The following TNS3 variants were observed in gnomAD, a reference collection of about 807,000 sequenced individuals.
TNS3 encodes the protein tensin 3, also known as tensin-3.
A neutral mutation model predicts 140.9 loss-of-function variants in TNS3; 45 were observed. The observed-to-expected ratio is 0.32, with a 90% CI of 0.25 to 0.41. The LOEUF (loss-of-function observed/expected upper bound fraction) is 0.41, where lower values mean the gene tolerates loss of function less well. Ranked by LOEUF, TNS3 falls within the 10% of genes least tolerant of loss-of-function variation. TNS3 has a pLI of 1.00. For missense variants in TNS3, 1,716 were observed against 1,906.7 expected, an observed-to-expected ratio of 0.90 and a Z score of 1.86; for synonymous variants, 815 against 788.4, an observed-to-expected ratio of 1.03 and a Z score of -0.56.
At chr7:47,378,760 G>A (rs998081993) in intron 16 of TNS3, among the ~76,000 whole-genome samples, 4 of 152,142 alleles carry the variant, frequency 2.6e-5, no homozygotes, top group Non-Finnish European at 1.5e-5. Flanking sequence ...GAGGGCTAAG[G>A]GTTTTCTGGC....
intron 20 of TNS3, among the ~76,000 whole-genome samples, chr7:47,332,977 C>T (rs1788426431): frequency 6.6e-6 from 1 of 152,226 alleles, no homozygotes. Flanking sequence ...TTTAGAAAAG[C>T]AGATTCCTCT....
intron 20 of TNS3, among the ~76,000 whole-genome samples, chr7:47,341,461 T>C (rs996321280): frequency 6.6e-6 from 1 of 152,228 alleles, no homozygotes; most frequent in Non-Finnish European, 1.5e-5. Context: ...GTTGTGACAG[T>C]TCATGCTCAT....
chr7:47,390,956 C>T (rs1310225960), intron 16 of TNS3, among the ~76,000 whole-genome samples: 1 of 152,126 alleles, frequency 6.6e-6, no homozygotes, highest in African/African-American at 2.4e-5. Context: ...TTTCTGTATC[C>T]TCCAGTCATG....
chr7:47,448,977 G>A (rs1003751880), intron 4 of TNS3, among the ~76,000 whole-genome samples: 1 of 152,238 alleles, frequency 6.6e-6, no homozygotes, highest in South Asian at 2.1e-4. Flanking sequence ...GGACAATGAT[G>A]TCTCCCTTGT....
Position 47,525,102 on chromosome 7 carries a change from C to T in TNS3, c.-153+3934G>A, listed in dbSNP as rs548268918. On this transcript the variant is annotated intron_variant, in intron 2 of 30. Coordinates refer to ENST00000311160, the MANE Select transcript of TNS3 (RefSeq NM_022748.12). ...CTGGAGTAGAGGAGCATTAGCCAAA[C>T]AGGACAGGAGATAATGCTGCACGAG... is the stretch of plus-strand genomic sequence containing the variant. Among the ~76,000 whole-genome samples, 9 of 152,300 alleles carry T rather than the reference C, an allele frequency of 5.9e-5. No homozygotes were observed. The South Asian group carries it at 1.9e-3, about 32-fold the overall frequency.
intron 3 of TNS3, among the ~76,000 whole-genome samples, chr7:47,483,520 T>C (rs1001140520): frequency 1.3e-4 from 20 of 152,162 alleles, no homozygotes; most frequent in African/African-American, 3.6e-4. Context: ...ATACAGTCTA[T>C]AATACATTTT....
chr7:47,574,853 G>C (rs1283589370), intron 1 of TNS3, among the ~76,000 whole-genome samples: 3 of 152,280 alleles, frequency 2.0e-5, no homozygotes, highest in Non-Finnish European at 2.9e-5. Flanking sequence ...CCAGGGACTG[G>C]GGGGAGGGGA....
intron 1 of TNS3, among the ~76,000 whole-genome samples, chr7:47,578,990 C>T (rs1438325389): frequency 2.0e-5 from 3 of 151,874 alleles, no homozygotes; most frequent in Non-Finnish European, 2.9e-5. Flanking sequence ...AGTGAGGCAG[C>T]GTGGAAACGA....
At chr7:47,542,139 C>T (rs1006754602) in intron 1 of TNS3, among the ~76,000 whole-genome samples, 1 of 152,072 alleles carries the variant, frequency 6.6e-6, no homozygotes, top group Non-Finnish European at 1.5e-5. Context: ...AATACATAGT[C>T]TCTAAATACT....
At chr7:47,386,732 C>T (rs1409204113) in intron 16 of TNS3, among the ~76,000 whole-genome samples, 1 of 152,200 alleles carries the variant, frequency 6.6e-6, no homozygotes, top group Admixed American at 6.5e-5. Context: ...AGCTTTCATC[C>T]CCAAAGTAGG....
At chr7:47,429,802 C>T (rs539445837) in intron 8 of TNS3, among the ~76,000 whole-genome samples, 5 of 152,218 alleles carry the variant, frequency 3.3e-5, no homozygotes, top group Non-Finnish European at 5.9e-5. Context: ...ATTCAAGTCA[C>T]AATTCTGATA....
At chr7:47,381,681 T>C (rs1791771088) in intron 16 of TNS3, among the ~76,000 whole-genome samples, 1 of 152,188 alleles carries the variant, frequency 6.6e-6, no homozygotes, top group Non-Finnish European at 1.5e-5. Context: ...GATGGCCACA[T>C]TGGCATATGT....
intron 4 of TNS3, chr7:47,453,002 T>C (rs1796087943): frequency 1.0e-6 from 1 of 985,388 alleles, no homozygotes; most frequent in Admixed American, 6.2e-5. Flanking sequence ...CCTCCTACGT[T>C]TCGCTCCTTC....
chr7:47,490,649 C>G (rs1418395110), intron 3 of TNS3, among the ~76,000 whole-genome samples: 1 of 152,232 alleles, frequency 6.6e-6, no homozygotes, highest in Non-Finnish European at 1.5e-5. Context: ...GAAGCCTGAA[C>G]AGCCGCATGG....
intron 3 of TNS3, among the ~76,000 whole-genome samples, chr7:47,504,612 T>G (rs551791575): frequency 6.6e-6 from 1 of 152,294 alleles, no homozygotes; most frequent in East Asian, 1.9e-4. Flanking sequence ...CTGGGCAATA[T>G]ATGTAAACAC....
At chr7:47,504,331 C>G (rs1562812107) in intron 3 of TNS3, among the ~76,000 whole-genome samples, 1 of 152,220 alleles carries the variant, frequency 6.6e-6, no homozygotes, top group East Asian at 1.9e-4. Flanking sequence ...AGAAGGGGCT[C>G]TGAGGGCCTG....
At chr7:47,389,955 G>A (rs1562677366) in intron 16 of TNS3, among the ~76,000 whole-genome samples, 1 of 152,228 alleles carries the variant, frequency 6.6e-6, no homozygotes, top group African/African-American at 2.4e-5. Context: ...AGCTATCTAA[G>A]CAAGCAATGC....
Position 47,439,662 on chromosome 7 carries a change from C to T in TNS3, c.-22-4G>A, listed in dbSNP as rs756882101. 1.7e-5 allele frequency: 28 copies of T among 1,613,302 alleles called. No homozygotes were observed. The Admixed American group carries it at 3.5e-4, about 20-fold the overall frequency. On this transcript the variant is annotated splice_region_variant and splice_polypyrimidine_tract_variant and intron_variant, in intron 5 of 30. Transcript: ENST00000311160. ...GGTGGGACTCAGGATGACGGGCCTGCGAGAGAGCAGTGGGCAGATCAGAAA... is the reference window on the plus strand; with the variant it reads ...GGTGGGACTCAGGATGACGGGCCTGTGAGAGAGCAGTGGGCAGATCAGAAA...
At chr7:47,493,125 G>A (rs1391030507) in intron 3 of TNS3, among the ~76,000 whole-genome samples, 4 of 152,184 alleles carry the variant, frequency 2.6e-5, no homozygotes, top group African/African-American at 9.7e-5. Flanking sequence ...CCCAGATCTC[G>A]AATAAAACCA....
Sources: allele counts gnomAD v4.1 joint callset (sites outside exome capture counted in the v4.1 genomes callset), GRCh38; gene constraint gnomAD v4.1.1; transcripts MANE v1.5; gene names NCBI Gene and HGNC (gene_info 2026-07-23, HGNC 2026-07-21).